Variants in CCDC33 observed in about 807,000 individuals in gnomAD.
The protein encoded by CCDC33 is coiled-coil domain containing 33.
A neutral mutation model predicts 91.9 loss-of-function variants in CCDC33; 94 were observed. The ratio of observed to expected loss-of-function variants is 1.02; its 90% CI spans 0.87 to 1.21. The LOEUF is 1.21. CCDC33 is among the 50% of genes most tolerant of loss of function. The probability of loss-of-function intolerance (pLI) is 0.00; values close to 1 mark genes in which losing one functional copy is unlikely to be tolerated. For missense variants in CCDC33, 940 were observed against 935.5 expected, an observed-to-expected ratio of 1.00 and a Z score of -0.06; for synonymous variants, 396 against 374.5, an observed-to-expected ratio of 1.06 and a Z score of -0.66.
rs2060533165 is a variant in CCDC33, at chr15:74,334,981, G to C, written c.2032G>C (p.Asp678His). The C allele has an allele frequency of 3.7e-6, 6 of 1,613,622 alleles. No homozygotes were observed. The highest frequency in any genetic ancestry group is 5.1e-6 in the Non-Finnish European group (6 of 1,179,652). ...RILSLESQLE[D>H]SARRWGREKQ... ...TCCCTCTCTGTGTCTGCAGTTAGAG[G>C]ACTCAGCTCGACGCTGGGGACGAGA... The change falls in exon 18 of 19, where the codon GAC becomes CAC. Residue 678 changes from aspartate to histidine, a missense_variant. Coordinates refer to ENST00000398814, the MANE Select transcript of CCDC33 (RefSeq NM_025055.5).
At chr15:74,317,362 G>C (rs12595168) in intron 11 of CCDC33, among the ~76,000 whole-genome samples, 18,426 of 152,120 alleles carry the variant, frequency 0.12, 1,380 homozygotes, top group East Asian at 0.36. Context: ...GACAGAGCCA[G>C]ACTCCATTTC....
chr15:74,295,907 G>T lies in CCDC33; in HGVS notation c.1249G>T (p.Ala417Ser), dbSNP rs1490795395. 1 of 1,613,958 alleles carries T rather than the reference G, an allele frequency of 6.2e-7. No homozygotes were observed. The highest frequency in any genetic ancestry group is 2.2e-5 in the East Asian group (1 of 44,864). The stretch of plus-strand genomic sequence containing the variant: ...CTTGAGCACGTCCACTCCACGAGAA[G>T]CAGAGGAGGAACCTCTGGTGCCTGA... ...MDLSTSTPRE[A>S]EEEPLVPEMS... is the part of the protein sequence containing the mutation. The change falls in exon 11 of 19, where the codon GCA becomes TCA. Residue 417 changes from alanine (A) to serine (S), a missense_variant. Coordinates refer to ENST00000398814, the MANE Select transcript of CCDC33 (RefSeq NM_025055.5).
intron 16 of CCDC33, 59 bp downstream of exon 16, chr15:74,332,904 C>T (rs2060471409): frequency 1.9e-6 from 3 of 1,575,912 alleles, no homozygotes; most frequent in East Asian, 2.2e-5. Context: ...AGAAATCACC[C>T]ATGGTACAAC....
intron 7 of CCDC33, among the ~76,000 whole-genome samples, chr15:74,278,261 G>T (rs890832628): frequency 6.6e-5 from 10 of 152,066 alleles, no homozygotes; most frequent in African/African-American, 2.4e-4. Context: ...ACCGTCATCA[G>T]CACCCTGCCA....
At chr15:74,325,336 C>T (rs1469147369) in intron 11 of CCDC33, among the ~76,000 whole-genome samples, 1 of 152,056 alleles carries the variant, frequency 6.6e-6, no homozygotes, top group African/African-American at 2.4e-5. Context: ...CACTCTCTCT[C>T]CTCCCTGCCT....
intron 1 of CCDC33, among the ~76,000 whole-genome samples, chr15:74,242,321 C>T (rs1290359753): frequency 6.6e-6 from 1 of 152,204 alleles, no homozygotes; most frequent in Non-Finnish European, 1.5e-5. Flanking sequence ...CCTCAGGAGC[C>T]GGCCATTCTG....
Position 74,265,495 on chromosome 15 carries a change from A to G in CCDC33, c.320-1183A>G, listed in dbSNP as rs529059966. Among the ~76,000 whole-genome samples, 9 of 152,204 alleles carry G rather than the reference A, an allele frequency of 5.9e-5. No homozygotes were observed. The East Asian group carries it at 1.2e-3, about 20-fold the overall frequency. On this transcript the variant is annotated intron_variant, in intron 3 of 18. Transcript: ENST00000398814. ...AGTGTCACCAAATTCAACCCTTCCTATCATCTACTTTCTAGATGTGTTATG... is the reference window on the plus strand; with the variant it reads ...AGTGTCACCAAATTCAACCCTTCCTGTCATCTACTTTCTAGATGTGTTATG...
At position 74,317,147 on chromosome 15, in the gene CCDC33, C is replaced by T. The variant is rs569508321; in HGVS notation, c.1291-13042C>T. ...GGCTGAGGCAGGTGGATCACGAGGT[C>T]AGGAGATCGAGAGCATCCTGGCTAA... is the stretch of plus-strand genomic sequence containing the variant. On this transcript the variant is annotated intron_variant, in intron 11 of 18. Transcript: ENST00000398814. Among the ~76,000 whole-genome samples, 33 of 152,250 alleles carry T rather than the reference C, an allele frequency of 2.2e-4. 1 individual carries two copies. Among genetic ancestry groups the T allele is most frequent in the African/African-American group, 7.2e-4 (30 of 41,542 alleles).
At chr15:74,215,288 A>G (rs1204551560), upstream of CCDC33, among the ~76,000 whole-genome samples, 2 of 152,200 alleles carry the variant, frequency 1.3e-5, no homozygotes, top group African/African-American at 4.8e-5. Context: ...GTGAAAAGAC[A>G]AATACTGTAA....
intron 15 of CCDC33, 83 bp downstream of exon 15, chr15:74,331,379 CAGG>C: frequency 7.0e-7 from 1 of 1,420,712 alleles, no homozygotes; most frequent in African/African-American, 1.4e-5. Context: ...CTCTCAGCTT[CAGG>C]AGAACCTGCG....
At chr15:74,298,975 T>A (rs1333816274) in intron 11 of CCDC33, among the ~76,000 whole-genome samples, 3 of 152,078 alleles carry the variant, frequency 2.0e-5, no homozygotes, top group Non-Finnish European at 2.9e-5. Context: ...CCTCCCAAAG[T>A]GCTGAGATTA....
At chr15:74,205,362 G>A (rs113761445) in intron 1 of CCDC33, among the ~76,000 whole-genome samples, 1,747 of 152,298 alleles carry the variant, frequency 0.011, 19 homozygotes, top group Non-Finnish European at 0.018. Context: ...TCTGGGGAGG[G>A]CCTCAGGAAA....
intron 18 of CCDC33, chr15:74,335,692 T>C: frequency 2.1e-6 from 1 of 473,670 alleles, no homozygotes; most frequent in Non-Finnish European, 3.8e-6. Context: ...CTGGAAAGGA[T>C]GAGGGAACAG....
In CCDC33 at chr15:74,244,006, C is replaced by T. The variant is rs748493188; in HGVS notation, c.43C>T (p.Pro15Ser). 6.2e-6 allele frequency: 10 copies of T among 1,613,362 alleles called. No individual in the cohort carries two copies. The South Asian group carries it at 6.6e-5, about 11-fold the overall frequency. Residue 15 changes from proline to serine, a missense_variant, in exon 2 of 19, where the codon CCC (proline) becomes TCC (serine). Physicochemically the swap from Pro to Ser is moderately conservative, Grantham distance 74 (BLOSUM62 -1). Transcript: ENST00000398814. The surrounding 1 kb of genome is among the most constrained non-coding windows in gnomAD (Gnocchi z 4.2). Reference sequence around the variant, plus strand: ...ACAGAACACTGAAGACCCAGAGGAGCCCCTGATCGCCTCCCAGAGCACGGA... The same window carrying T: ...ACAGAACACTGAAGACCCAGAGGAGTCCCTGATCGCCTCCCAGAGCACGGA... ...NKKNTEDPEE[P>S]LIASQSTEPE...
At chr15:74,215,886 AAAAGAAAGAAAGAAAG>A (rs1295954055), upstream of CCDC33, among the ~76,000 whole-genome samples, 1 of 113,840 alleles carries the variant, frequency 8.8e-6, no homozygotes, top group Non-Finnish European at 2.1e-5. Context: ...AAAAAAAAAA[AAAAGAAAGAAAGAAAG>A]AAAGAAAGAA....
chr15:74,271,825 G>T, intron 6 of CCDC33, 31 bp downstream of exon 6: 1 of 1,588,422 alleles, frequency 6.3e-7, no homozygotes, highest in African/African-American at 1.3e-5. Context: ...CCTGGGTGAG[G>T]AGGGCAGAGC....
At chr15:74,280,354 C>T (rs986929877) in intron 8 of CCDC33, among the ~76,000 whole-genome samples, 5 of 152,238 alleles carry the variant, frequency 3.3e-5, no homozygotes, top group South Asian at 2.1e-4. Context: ...CTGGAGCCCT[C>T]GGAACTCACA....
chr15:74,311,407 GA>G (rs2059991304), intron 11 of CCDC33: 1 of 152,120 alleles, frequency 6.6e-6, no homozygotes, highest in Non-Finnish European at 1.5e-5. Flanking sequence ...GAGAGCCTAG[GA>G]TTCAGGCCTG....
chr15:74,258,087 C>T (rs2075921276), intron 2 of CCDC33, among the ~76,000 whole-genome samples: 1 of 152,220 alleles, frequency 6.6e-6, no homozygotes, highest in Non-Finnish European at 1.5e-5. Flanking sequence ...CCCTCACCTC[C>T]CTCTCAGTTT....
Sources: allele counts gnomAD v4.1 joint callset (sites outside exome capture counted in the v4.1 genomes callset), GRCh38; gene constraint gnomAD v4.1.1; non-coding constraint Gnocchi (gnomAD v3.1); transcripts MANE v1.5; gene names NCBI Gene and HGNC (gene_info 2026-07-23, HGNC 2026-07-21).